Variants in BPNT1 observed in about 807,000 individuals in gnomAD.
BPNT1 encodes 3'(2'), 5'-bisphosphate nucleotidase 1.
In BPNT1, 28 loss-of-function variants were observed where a neutral mutation model predicts 36.9. That is an observed-to-expected ratio of 0.76 (90% CI 0.56 to 1.04). BPNT1 has a LOEUF of 1.04. Among genes scored for constraint, BPNT1 ranks in the 50% least tolerant of loss-of-function variants. The probability of loss-of-function intolerance (pLI) is 0.00; values close to 1 mark genes in which losing one functional copy is unlikely to be tolerated. For synonymous variants in BPNT1, 119 were observed against 130.9 expected (o/e 0.91, Z 0.62); for missense variants, 313 against 372.9 (o/e 0.84, Z 1.32).
rs535240279 is a variant in BPNT1, at chr1:220,065,900, A to G, written c.474+1402T>C. 5.1e-4 allele frequency among the ~76,000 whole-genome samples: 77 copies of G among 152,332 alleles called. No homozygotes were observed. The South Asian group carries it at 0.013, about 25-fold the overall frequency. On this transcript the variant is annotated intron_variant, in intron 6 of 8. Coordinates refer to ENST00000322067, the MANE Select transcript of BPNT1 (RefSeq NM_006085.6). The stretch of plus-strand genomic sequence containing the variant: ...GGCATAAGCAAGAGAAGCAAGAGAA[A>G]GGATAAACAGAGTGTCCAGAAGGGA...
rs1050101136 is a variant in BPNT1 at position 220,059,471 on chromosome 1, G to T, written c.778+215C>A. On this transcript the variant is annotated intron_variant, in intron 8 of 8. Coordinates refer to ENST00000322067, the MANE Select transcript of BPNT1 (RefSeq NM_006085.6). ...TTAAATTAACTGTATGCAGATCAAA[G>T]TTCAAAAAAAGAGACGATAACTAAA... 1.1e-4 allele frequency among the ~76,000 whole-genome samples: 16 copies of T among 150,184 alleles called. 1 individual carries two copies. Among genetic ancestry groups the T allele is most frequent in the Admixed American group, 6.0e-4 (9 of 15,036 alleles).
intron 2 of BPNT1, among the ~76,000 whole-genome samples, chr1:220,076,875 T>C (rs1476110302): frequency 1.3e-5 from 2 of 152,158 alleles, no homozygotes; most frequent in Non-Finnish European, 2.9e-5. Context: ...CTTTATATTA[T>C]TCCTGTTATA....
In BPNT1 at chr1:220,057,743, T is replaced by C. The variant is rs1662655044; in HGVS notation, c.*1101A>G. The C allele has an allele frequency of 1.4e-6, 1 of 709,772 alleles. No homozygotes were observed. Among genetic ancestry groups the C allele is most frequent in the Non-Finnish European group, 2.1e-6 (1 of 475,316 alleles). 44.0% of individuals were successfully genotyped at this position (709,772 alleles called of 1,614,324 possible). Reference sequence around the variant, plus strand: ...AACAAAGAGCTAGGATTAAATAATTTATTTAAAAAAAACTTTTCTCATAAA... The same window carrying C: ...AACAAAGAGCTAGGATTAAATAATTCATTTAAAAAAAACTTTTCTCATAAA... On this transcript the variant is annotated 3_prime_UTR_variant, in exon 9 of 9. Transcript: ENST00000322067.
Position 220,068,139 on chromosome 1 carries a change from T to A in BPNT1, c.383-746A>T, listed in dbSNP as rs539859494. 3.3e-5 allele frequency among the ~76,000 whole-genome samples: 5 copies of A among 152,338 alleles called. No individual in the cohort carries two copies. The South Asian group carries it at 8.3e-4, about 25-fold the overall frequency. ...TCCTGAGAGCCAATACAAGAAAATT[T>A]ATGTAGACCTTAATTTAATTTTATC... On this transcript the variant is annotated intron_variant, in intron 5 of 8. Coordinates refer to ENST00000322067, the MANE Select transcript of BPNT1 (RefSeq NM_006085.6).
chr1:220,073,754 T>C (rs2053250), intron 3 of BPNT1, among the ~76,000 whole-genome samples: 21,757 of 152,176 alleles, frequency 0.14, 1,956 homozygotes, highest in Admixed American at 0.22. Flanking sequence ...TCTTCTATGG[T>C]CAATAATTAA....
chr1:220,066,463 A>C (rs1214158209), intron 6 of BPNT1, among the ~76,000 whole-genome samples: 1 of 152,198 alleles, frequency 6.6e-6, no homozygotes, highest in Non-Finnish European at 1.5e-5. Context: ...AGGAAAAAAC[A>C]AATTTATATT....
chr1:220,071,443 CAAATT>C (rs1664049569), intron 4 of BPNT1, among the ~76,000 whole-genome samples: 1 of 152,074 alleles, frequency 6.6e-6, no homozygotes, highest in African/African-American at 2.4e-5. Flanking sequence ...TACTAAATAA[CAAATT>C]AGATTTTCTT....
intron 1 of BPNT1, among the ~76,000 whole-genome samples, chr1:220,082,757 T>G (rs1655305757): frequency 2.0e-5 from 3 of 151,400 alleles, no homozygotes; most frequent in Admixed American, 2.0e-4. Flanking sequence ...CAGCTAATTT[T>G]TGTATTGTTA....
intron 1 of BPNT1, among the ~76,000 whole-genome samples, chr1:220,083,152 A>G: frequency 1.3e-5 from 2 of 150,858 alleles, no homozygotes; most frequent in African/African-American, 2.4e-5. Context: ...CAGGAGAATC[A>G]CATGAACCCA....
chr1:220,064,765 T>A (rs1663379655), intron 6 of BPNT1, among the ~76,000 whole-genome samples: 1 of 152,308 alleles, frequency 6.6e-6, no homozygotes, highest in African/African-American at 2.4e-5. Context: ...CATCTGAGTT[T>A]ACACTACAGG....
rs371742684 is a variant in BPNT1, at chr1:220,074,070, G to T, written c.122C>A (p.Thr41Asn). ...AEGDLGIVEK[T>N]CATDLQTKAD... ...TTTGGTCTGCAGGTCTGTTGCACAG[G>T]TCTGTAATAAAGAATGCAAATTTTA... The change falls in exon 3 of 9, where the codon ACC (threonine) becomes AAC (asparagine). Residue 41 changes from threonine to asparagine, a missense_variant and splice_region_variant. By Grantham distance (65) the Thr-to-Asn change is moderately conservative. Coordinates refer to ENST00000322067, the MANE Select transcript of BPNT1 (RefSeq NM_006085.6). The T allele has an allele frequency of 2.0e-5, 32 of 1,611,842 alleles. No homozygotes were observed. Among genetic ancestry groups the T allele is most frequent in the Middle Eastern group, 1.6e-4 (1 of 6,082 alleles).
At chr1:220,085,073 TAAAA>T (rs558004798) in intron 1 of BPNT1, among the ~76,000 whole-genome samples, 1 of 141,148 alleles carries the variant, frequency 7.1e-6, no homozygotes, top group Non-Finnish European at 1.5e-5. Context: ...GGTTCTTGGT[TAAAA>T]AAAAAAAAAG....
intron 4 of BPNT1, 84 bp from the exon 5 acceptor site, chr1:220,069,516 T>C (rs947865870): frequency 2.8e-5 from 29 of 1,044,628 alleles, no homozygotes; most frequent in Non-Finnish European, 3.8e-5. Flanking sequence ...AAAATTACTC[T>C]TTTTTTCCTG....
intron 6 of BPNT1, 123 bp downstream of exon 6, chr1:220,067,179 A>C (rs975817310): frequency 5.9e-6 from 2 of 339,664 alleles, no homozygotes; most frequent in Non-Finnish European, 1.1e-5. Context: ...AAAAAATGAA[A>C]AGTTCCCCAG....
At chr1:220,077,409 A>G (rs1294651021) in intron 2 of BPNT1, among the ~76,000 whole-genome samples, 1 of 150,928 alleles carries the variant, frequency 6.6e-6, no homozygotes, top group African/African-American at 2.4e-5. Flanking sequence ...AATATTATTT[A>G]TTTATTTTAG....
At chr1:220,067,897 G>A (rs748227271) in intron 5 of BPNT1, among the ~76,000 whole-genome samples, 3 of 152,134 alleles carry the variant, frequency 2.0e-5, no homozygotes, top group Non-Finnish European at 4.4e-5. Flanking sequence ...ATCTGAGAGT[G>A]GGGGACAAGA....
chr1:220,078,431 TTA>T (rs959472103), intron 2 of BPNT1, among the ~76,000 whole-genome samples: 9 of 141,296 alleles, frequency 6.4e-5, no homozygotes, highest in South Asian at 2.1e-4. Flanking sequence ...TAAATAATAA[TTA>T]TATATAATAA....
chr1:220,082,977 G>A (rs753268579), intron 1 of BPNT1, among the ~76,000 whole-genome samples: 15 of 151,990 alleles, frequency 9.9e-5, no homozygotes, highest in Admixed American at 3.3e-4. Flanking sequence ...AGTGGCTCAC[G>A]CCTGTAATCC....
intron 1 of BPNT1, among the ~76,000 whole-genome samples, chr1:220,084,851 C>A (rs1237503549): frequency 1.3e-5 from 2 of 151,862 alleles, no homozygotes; most frequent in Non-Finnish European, 2.9e-5. Context: ...AAATAGAAGA[C>A]AATAAAAATG....
Sources: gnomAD v4.1 joint callset for allele counts (sites outside exome capture counted in the v4.1 genomes callset) on GRCh38, gnomAD v4.1.1 for gene constraint, MANE v1.5 for transcripts, NCBI Gene and HGNC (gene_info 2026-07-23, HGNC 2026-07-21) for gene names.